KLHL3: variants seen among roughly 807,000 people sequenced by gnomAD.
KLHL3 encodes the protein kelch like family member 3.
Under a neutral mutation model 70.5 loss-of-function variants are expected in KLHL3, and 19 were observed. The observed-to-expected ratio is 0.27, with a 90% CI of 0.19 to 0.40. The LOEUF is 0.40. Ranked by LOEUF, KLHL3 falls within the 10% of genes least tolerant of loss-of-function variation. The probability of loss-of-function intolerance (pLI) is 1.00; values close to 1 mark genes in which losing one functional copy is unlikely to be tolerated. For missense variants in KLHL3, 512 were observed against 771.1 expected (o/e 0.66, Z 3.98); for synonymous variants, 258 against 290.3 (o/e 0.89, Z 1.13).
At chr5:137,671,706 G>A (rs1406179790) in intron 6 of KLHL3, 2 of 152,178 alleles carry the variant, frequency 1.3e-5, no homozygotes, top group African/African-American at 4.8e-5. Flanking sequence ...GAAAAAATCA[G>A]ACACAAAAGC....
chr5:137,720,484 C>A lies in KLHL3; in HGVS notation c.115G>T (p.Val39Phe). 3 of 1,614,130 alleles carry A rather than the reference C, an allele frequency of 1.9e-6. No homozygotes were observed. The highest frequency in any genetic ancestry group is 2.5e-6 in the Non-Finnish European group (3 of 1,179,994). Reference sequence around the variant, plus strand: ...AAGTACCTCCGCAGTTCATTCATAACCTTGAATGCTTTCCCCATGTGGGCA... The same window carrying A: ...AAGTACCTCCGCAGTTCATTCATAAACTTGAATGCTTTCCCCATGTGGGCA... ...NPAHMGKAFK[V>F]MNELRSKQLL... Residue 39 changes from valine (V) to phenylalanine (F), a missense_variant, in exon 2 of 15, where the codon GTT (valine) becomes TTT (phenylalanine). Physicochemically the swap from Val to Phe is conservative, Grantham distance 50 (BLOSUM62 -1). Coordinates refer to ENST00000309755, the MANE Select transcript of KLHL3 (RefSeq NM_017415.3).
chr5:137,719,150 T>A (rs1218111310), intron 2 of KLHL3, among the ~76,000 whole-genome samples: 1 of 152,260 alleles, frequency 6.6e-6, no homozygotes, highest in Non-Finnish European at 1.5e-5. Flanking sequence ...TAGCCCTCTT[T>A]AAGAAACAAA....
At position 137,658,299 on chromosome 5, in the gene KLHL3, A is replaced by C; in HGVS notation, c.754-19T>G. On this transcript the variant is annotated intron_variant, in intron 7 of 14. Transcript: ENST00000309755. ...CAACCGTCTAGAGGTAATAATCCAC[A>C]GATGATCCTGGAGCACAGCTCAGCC... The C allele has an allele frequency of 6.2e-7, 1 of 1,613,658 alleles. No homozygotes were observed. The highest frequency in any genetic ancestry group is 8.5e-7 in the Non-Finnish European group (1 of 1,179,658).
chr5:137,623,136 C>G (rs1750364111), intron 14 of KLHL3, among the ~76,000 whole-genome samples: 1 of 152,238 alleles, frequency 6.6e-6, no homozygotes, highest in African/African-American at 2.4e-5. Flanking sequence ...CCTTGGATTT[C>G]TTTCTACTTG....
intron 14 of KLHL3, among the ~76,000 whole-genome samples, chr5:137,624,210 T>C (rs1039705479): frequency 4.6e-5 from 7 of 152,236 alleles, no homozygotes; most frequent in African/African-American, 9.6e-5. Flanking sequence ...TTTAAGATAA[T>C]AGACTCAGTA....
At chr5:137,700,231 TA>T (rs1328986944) in intron 3 of KLHL3, among the ~76,000 whole-genome samples, 1 of 152,192 alleles carries the variant, frequency 6.6e-6, no homozygotes, top group Non-Finnish European at 1.5e-5. Flanking sequence ...AAAACATGCA[TA>T]CACAAGGAAA....
intron 6 of KLHL3, chr5:137,672,535 T>A (rs1403915661): frequency 3.9e-5 from 6 of 152,244 alleles, no homozygotes; most frequent in Non-Finnish European, 8.8e-5. Context: ...AAAGACTTAA[T>A]AAATTTCTTC....
intron 3 of KLHL3, chr5:137,706,367 A>C (rs1752685934): frequency 1.0e-6 from 1 of 985,406 alleles, no homozygotes; most frequent in Non-Finnish European, 1.2e-6. Flanking sequence ...TTGCAATGTT[A>C]CTGGAGATTT....
intron 4 of KLHL3, 138 bp downstream of exon 4, chr5:137,698,149 G>A (rs182864962): frequency 7.0e-6 from 8 of 1,144,586 alleles, no homozygotes; most frequent in Non-Finnish European, 2.5e-6. Context: ...GCCCAGGGCA[G>A]GTCACCTGAC....
chr5:137,732,859 A>G (rs1753202050), intron 1 of KLHL3, among the ~76,000 whole-genome samples: 1 of 152,218 alleles, frequency 6.6e-6, no homozygotes, highest in Non-Finnish European at 1.5e-5. Context: ...TTCCCTTTAC[A>G]CAGAAGAGAA....
At chr5:137,711,098 G>A (rs1752783804) in intron 2 of KLHL3, among the ~76,000 whole-genome samples, 2 of 152,194 alleles carry the variant, frequency 1.3e-5, no homozygotes, top group Non-Finnish European at 2.9e-5. Flanking sequence ...GTTTGAGAAG[G>A]CTGAGGTCAT....
At chr5:137,699,089 A>G (rs1752511339) in intron 3 of KLHL3, among the ~76,000 whole-genome samples, 1 of 152,156 alleles carries the variant, frequency 6.6e-6, no homozygotes, top group Admixed American at 6.5e-5. Flanking sequence ...TGTAACCACT[A>G]CGCTATACTA....
At chr5:137,664,133 C>T (rs560189212) in intron 6 of KLHL3, among the ~76,000 whole-genome samples, 50 of 151,916 alleles carry the variant, frequency 3.3e-4, no homozygotes, top group Non-Finnish European at 5.0e-4. Context: ...AGGCAGATTG[C>T]TTGAGCCCAG....
At chr5:137,712,206 T>C (rs1752807506) in intron 2 of KLHL3, among the ~76,000 whole-genome samples, 1 of 148,000 alleles carries the variant, frequency 6.8e-6, no homozygotes, top group Admixed American at 6.7e-5. Context: ...TATTTTTTGG[T>C]AACTAATAAG....
chr5:137,619,726 G>A lies in KLHL3; in HGVS notation c.*2372C>T, dbSNP rs1023458118. 6.5e-6 allele frequency: 1 copy of A among 152,712 alleles called. No individual in the cohort carries two copies. Among genetic ancestry groups the A allele is most frequent in the African/African-American group, 2.4e-5 (1 of 41,456 alleles). 9.5% of individuals were successfully genotyped at this position (152,712 alleles called of 1,614,324 possible). A position where few individuals can be genotyped will look rare whatever the true frequency, so the allele number is the denominator to read the frequency against. Reference sequence around the variant, plus strand: ...GATACATGAGGATGGAGTGCACATGGCCTTGGCAGCACGCCCAGTAGAGGC... The same window carrying A: ...GATACATGAGGATGGAGTGCACATGACCTTGGCAGCACGCCCAGTAGAGGC... On this transcript the variant is annotated 3_prime_UTR_variant, in exon 15 of 15. Transcript: ENST00000309755.
In KLHL3 at chr5:137,711,639, C is replaced by T. The variant is rs185116136; in HGVS notation, c.135-1783G>A. Among the ~76,000 whole-genome samples the T allele has an allele frequency of 2.0e-5, 3 of 152,250 alleles. No homozygotes were observed. In the East Asian group the frequency reaches 5.8e-4, roughly 29 times the overall value. On this transcript the variant is annotated intron_variant, in intron 2 of 14. Coordinates refer to ENST00000309755, the MANE Select transcript of KLHL3 (RefSeq NM_017415.3). The stretch of plus-strand genomic sequence containing the variant: ...CCAACTGTATCAGGATAAACCAGTG[C>T]AACCAGGAACAGAACTGGCTCTTCC...
At chr5:137,682,238 C>A (rs1040695641) in intron 5 of KLHL3, among the ~76,000 whole-genome samples, 2 of 151,964 alleles carry the variant, frequency 1.3e-5, no homozygotes, top group African/African-American at 4.8e-5. Flanking sequence ...GAATAGTAAA[C>A]CTGGTAGAGC....
At chr5:137,694,078 C>T (rs1299874037) in intron 4 of KLHL3, among the ~76,000 whole-genome samples, 3 of 152,004 alleles carry the variant, frequency 2.0e-5, no homozygotes, top group African/African-American at 4.8e-5. Context: ...ATGGGACAGT[C>T]GGTCACCCTT....
chr5:137,718,224 A>C (rs541962418), intron 2 of KLHL3, among the ~76,000 whole-genome samples: 29 of 152,362 alleles, frequency 1.9e-4, no homozygotes, highest in African/African-American at 7.0e-4. Context: ...AGAGAAGAAG[A>C]AGCAGGACTG....
Sources: gnomAD v4.1 joint callset for allele counts (sites outside exome capture counted in the v4.1 genomes callset) on GRCh38, gnomAD v4.1.1 for gene constraint, MANE v1.5 for transcripts, NCBI Gene and HGNC (gene_info 2026-07-23, HGNC 2026-07-21) for gene names.